The following EPB41L3 variants were observed in gnomAD, a reference collection of about 807,000 sequenced individuals.
EPB41L3 encodes erythrocyte membrane protein band 4.1 like 3.
Under a neutral mutation model 127.1 loss-of-function variants are expected in EPB41L3, and 57 were observed. The ratio of observed to expected loss-of-function variants is 0.45; its 90% CI spans 0.36 to 0.56. The LOEUF is 0.56. EPB41L3 is among the 20% of genes least tolerant of loss of function. The pLI, the probability that EPB41L3 is intolerant of heterozygous loss-of-function variation, is 0.00. For synonymous variants in EPB41L3, 572 were observed against 549.5 expected (o/e 1.04, Z -0.57); for missense variants, 1,273 against 1,372.2 (o/e 0.93, Z 1.14).
chr18:5,459,512 G>A (rs2083619824), intron 3 of EPB41L3, among the ~76,000 whole-genome samples: 1 of 151,496 alleles, frequency 6.6e-6, no homozygotes, highest in South Asian at 2.1e-4. Flanking sequence ...CTATAACCTT[G>A]GTAGCTGTTT....
intron 3 of EPB41L3, among the ~76,000 whole-genome samples, chr18:5,558,364 G>T (rs1173425905): frequency 6.6e-6 from 1 of 152,138 alleles, no homozygotes; most frequent in Non-Finnish European, 1.5e-5. Context: ...CTAAGATCAG[G>T]GATTTGCAAA....
chr18:5,420,548 T>G (rs2077349695), intron 11 of EPB41L3, among the ~76,000 whole-genome samples: 1 of 152,208 alleles, frequency 6.6e-6, no homozygotes, highest in South Asian at 2.1e-4. Context: ...TTAAACAGAC[T>G]ACCATAATAT....
intron 3 of EPB41L3, among the ~76,000 whole-genome samples, chr18:5,609,212 G>A (rs1407435575): frequency 1.3e-5 from 2 of 152,128 alleles, no homozygotes; most frequent in Admixed American, 1.3e-4. Flanking sequence ...TCCTATGGAG[G>A]TATGCCTCAA....
chr18:5,410,270 C>T (rs1478276616), intron 14 of EPB41L3, among the ~76,000 whole-genome samples: 1 of 151,756 alleles, frequency 6.6e-6, no homozygotes, highest in Non-Finnish European at 1.5e-5. Context: ...CAAAATATGT[C>T]CTAAGATGTG....
At chr18:5,518,969 CTGTT>C (rs1458518326) in intron 1 of EPB41L3, among the ~76,000 whole-genome samples, 1 of 152,164 alleles carries the variant, frequency 6.6e-6, no homozygotes, top group Non-Finnish European at 1.5e-5. Context: ...CTGAATCCGT[CTGTT>C]TGGCAAATTA....
chr18:5,466,065 C>T (rs760507868), intron 3 of EPB41L3, among the ~76,000 whole-genome samples: 1 of 151,836 alleles, frequency 6.6e-6, no homozygotes, highest in Non-Finnish European at 1.5e-5. Flanking sequence ...TCATTTTTTC[C>T]ATTTCCCACT....
chr18:5,628,327 G>T (rs916201656), intron 1 of EPB41L3, among the ~76,000 whole-genome samples: 1 of 152,216 alleles, frequency 6.6e-6, no homozygotes, highest in Non-Finnish European at 1.5e-5. Context: ...CAGCCCTCTC[G>T]CGGCCCAGTC....
intron 3 of EPB41L3, chr18:5,577,199 GA>G: frequency 8.8e-6 from 2 of 228,214 alleles, no homozygotes; most frequent in South Asian, 9.9e-5. Flanking sequence ...CACGAAAGAA[GA>G]ATTCCACATT....
At chr18:5,551,425 T>TA (rs1479274015) in intron 3 of EPB41L3, among the ~76,000 whole-genome samples, 2 of 152,108 alleles carry the variant, frequency 1.3e-5, no homozygotes, top group Non-Finnish European at 2.9e-5. Context: ...GGGGATTTTT[T>TA]AAAAAACATC....
chr18:5,484,285 AT>A (rs1246348249), intron 2 of EPB41L3, among the ~76,000 whole-genome samples: 5 of 151,438 alleles, frequency 3.3e-5, no homozygotes, highest in Non-Finnish European at 7.4e-5. Flanking sequence ...AAAAAAAATT[AT>A]CAAAACACAA....
At chr18:5,509,444 T>C (rs1002813425) in intron 1 of EPB41L3, among the ~76,000 whole-genome samples, 4 of 152,138 alleles carry the variant, frequency 2.6e-5, no homozygotes, top group African/African-American at 9.7e-5. Flanking sequence ...GAATAAAAGG[T>C]TTGCAATTTA....
intron 3 of EPB41L3, among the ~76,000 whole-genome samples, chr18:5,561,148 C>T (rs551746609): frequency 5.9e-4 from 89 of 151,060 alleles, no homozygotes; most frequent in Admixed American, 1.9e-3. Context: ...CGGCTAATGT[C>T]TTGTATTTTC....
intron 9 of EPB41L3, among the ~76,000 whole-genome samples, chr18:5,427,580 T>G (rs1333996574): frequency 6.6e-6 from 1 of 152,200 alleles, no homozygotes; most frequent in Admixed American, 6.5e-5. Context: ...TGTCCTTTGT[T>G]CTAATATTCC....
In EPB41L3 at chr18:5,451,479, G is replaced by C. The variant is rs529913869; in HGVS notation, c.382-6235C>G. Among the ~76,000 whole-genome samples, 5 of 152,212 alleles carry C rather than the reference G, an allele frequency of 3.3e-5. No homozygotes were observed. The East Asian group carries it at 7.7e-4, about 24-fold the overall frequency. ...GACAAATGTGATTTCTCTCTCCTTTGGACTTTGTGGCACTTTATGGCAGCA... is the reference window on the plus strand; with the variant it reads ...GACAAATGTGATTTCTCTCTCCTTTCGACTTTGTGGCACTTTATGGCAGCA... On this transcript the variant is annotated intron_variant, in intron 3 of 22. Transcript: ENST00000341928.
intron 1 of EPB41L3, among the ~76,000 whole-genome samples, chr18:5,616,280 C>T (rs1283155765): frequency 6.6e-6 from 1 of 152,096 alleles, no homozygotes; most frequent in African/African-American, 2.4e-5. Flanking sequence ...TTGCCTGACC[C>T]CCACAACCCT....
intron 1 of EPB41L3, among the ~76,000 whole-genome samples, chr18:5,538,762 C>G (rs937002467): frequency 6.4e-4 from 98 of 152,250 alleles, no homozygotes; most frequent in African/African-American, 2.3e-3. Context: ...GGAAAGGAAA[C>G]CGACTCCCTG....
At chr18:5,521,590 C>T (rs967038110) in intron 1 of EPB41L3, among the ~76,000 whole-genome samples, 2 of 152,206 alleles carry the variant, frequency 1.3e-5, no homozygotes, top group Admixed American at 6.5e-5. Flanking sequence ...TGGAATGAGA[C>T]AGTCTCAGGT....
chr18:5,430,483 C>A (rs913385077), intron 8 of EPB41L3, among the ~76,000 whole-genome samples: 1 of 150,538 alleles, frequency 6.6e-6, no homozygotes, highest in Non-Finnish European at 1.5e-5. Flanking sequence ...ATTAATCGCA[C>A]GGCAAAAAAA....
intron 12 of EPB41L3, among the ~76,000 whole-genome samples, chr18:5,418,162 C>A (rs529992309): frequency 6.6e-6 from 1 of 152,274 alleles, no homozygotes; most frequent in South Asian, 2.1e-4. Context: ...TATATGAGCA[C>A]CAGATTTCAG....
Sources: gnomAD v4.1 joint callset for allele counts (sites outside exome capture counted in the v4.1 genomes callset) on GRCh38, gnomAD v4.1.1 for gene constraint, MANE v1.5 for transcripts, NCBI Gene and HGNC (gene_info 2026-07-23, HGNC 2026-07-21) for gene names.